The following DYNC2H1 variants were observed in gnomAD, a reference collection of about 807,000 sequenced individuals.
The protein encoded by DYNC2H1 is cytoplasmic dynein 2 heavy chain 1.
A neutral mutation model predicts 570.0 loss-of-function variants in DYNC2H1; 410 were observed. The observed-to-expected ratio is 0.72, with a 90% confidence interval of 0.66 to 0.78. The LOEUF is 0.78. Among genes scored for constraint, DYNC2H1 ranks in the 30% least tolerant of loss-of-function variants. DYNC2H1 has a pLI of 0.00. For synonymous variants in DYNC2H1, 1,688 were observed against 1,677.6 expected (o/e 1.01, Z -0.15); for missense variants, 4,865 against 5,046.4 (o/e 0.96, Z 1.09).
At chr11:103,425,870 A>C (rs1943652540) in intron 84 of DYNC2H1, among the ~76,000 whole-genome samples, 1 of 151,928 alleles carries the variant, frequency 6.6e-6, no homozygotes, top group African/African-American at 2.4e-5. Flanking sequence ...TATAAATTTC[A>C]TTATATACAT....
chr11:103,249,441 G>A lies in DYNC2H1; in HGVS notation c.10043-3844G>A, dbSNP rs918603486. 1.3e-5 allele frequency among the ~76,000 whole-genome samples: 2 copies of A among 151,856 alleles called. No homozygotes were observed. Among genetic ancestry groups the A allele is most frequent in the African/African-American group, 4.8e-5 (2 of 41,392 alleles). Reference sequence around the variant, plus strand: ...GAATTTTTACAAATTGAATACACCTGTATAAACACCCAGATCAAGACATAA... The same window carrying A: ...GAATTTTTACAAATTGAATACACCTATATAAACACCCAGATCAAGACATAA... On this transcript the variant is annotated intron_variant, in intron 65 of 88. Transcript: ENST00000375735. The surrounding 1 kb of genome is among the most constrained non-coding windows in gnomAD (Gnocchi z 4.6).
rs1300187320 is a variant in DYNC2H1, at chr11:103,275,351, T to G, written c.10696-4997T>G. Among the ~76,000 whole-genome samples, 1 of 152,210 alleles carries G rather than the reference T, an allele frequency of 6.6e-6. No individual in the cohort carries two copies. The highest frequency in any genetic ancestry group is 1.9e-4 in the East Asian group (1 of 5,190). On this transcript the variant is annotated intron_variant, in intron 70 of 88. Transcript: ENST00000375735. The surrounding 1 kb of genome is among the most constrained non-coding windows in gnomAD (Gnocchi z 4.8). ...CTGTTCAACTTACATTGACACATCC[T>G]AATCACCTGAAGTTCATAGTTTACA...
At chr11:103,113,473 G>A in intron 1 of DYNC2H1, 64 bp from the exon 2 acceptor site, 1 of 1,314,566 alleles carries the variant, frequency 7.6e-7, no homozygotes, top group Non-Finnish European at 1.0e-6. Context: ...ATAGAACTTT[G>A]TCTACATTTT....
intron 88 of DYNC2H1, among the ~76,000 whole-genome samples, chr11:103,470,892 T>C (rs985551238): frequency 6.6e-6 from 1 of 152,194 alleles, no homozygotes; most frequent in Non-Finnish European, 1.5e-5. Context: ...GCATGTGTCT[T>C]TATAGCAGCA....
In DYNC2H1 at chr11:103,191,524, C is replaced by G. The variant is rs748382069; in HGVS notation, c.7445C>G (p.Ala2482Gly). The G allele has an allele frequency of 6.2e-7, 1 of 1,603,032 alleles. No individual in the cohort carries two copies. The highest frequency in any genetic ancestry group is 1.1e-5 in the South Asian group (1 of 89,060). ...CTGTATTTTCTTTTTCAGGTGCGAG[C>G]CAAATTTACAGTTGATGATTATAGT... ...SMVQVYEQVR[A>G]KFTVDDYSHY... is the part of the protein sequence containing the mutation. Residue 2482 changes from alanine (A) to glycine (G), a missense_variant, in exon 46 of 89, where the codon GCC becomes GGC. By Grantham distance (60) the Ala-to-Gly change is moderately conservative. This residue lies in a region of DYNC2H1 where 2,401 missense variants were observed against 2,454.6 expected (regional missense o/e 0.98). Coordinates refer to ENST00000375735, the MANE Select transcript of DYNC2H1 (RefSeq NM_001377.3).
chr11:103,479,560 C>A lies in DYNC2H1; in HGVS notation c.*307C>A. On this transcript the variant is annotated 3_prime_UTR_variant, in exon 89 of 89. Transcript: ENST00000375735. The stretch of plus-strand genomic sequence containing the variant: ...TCAGAGATTTTAAGTGGTATATTAA[C>A]CAATAATAAATATTTTGGCTGTCAT... The A allele has an allele frequency of 5.3e-6, 1 of 189,074 alleles. No homozygotes were observed. The highest frequency in any genetic ancestry group is 2.1e-3 in the Middle Eastern group (1 of 472). The allele number at this position is 189,074 out of a possible 1,614,324, so 11.7% of individuals were successfully genotyped here. A position where few individuals can be genotyped will look rare whatever the true frequency, so the allele number is the denominator to read the frequency against.
At chr11:103,216,297 T>A (rs537850747) in intron 55 of DYNC2H1, among the ~76,000 whole-genome samples, 1 of 152,320 alleles carries the variant, frequency 6.6e-6, no homozygotes, top group East Asian at 1.9e-4. Flanking sequence ...GATTATACAT[T>A]TTTTGAGTGG....
At chr11:103,207,239 TTTTA>T (rs1290293639) in intron 52 of DYNC2H1, among the ~76,000 whole-genome samples, 18 of 16,376 alleles carry the variant, frequency 1.1e-3, no homozygotes, top group African/African-American at 8.2e-3. Flanking sequence ...TTTTTTTTTT[TTTTA>T]AAAAAAGATG....
intron 70 of DYNC2H1, among the ~76,000 whole-genome samples, chr11:103,263,022 C>CAAAAAAAAAAAAAAAA (rs35912109): frequency 1.3e-3 from 50 of 39,918 alleles, no homozygotes; most frequent in Admixed American, 2.2e-3. Context: ...AAATGGAAAG[C>CAAAAAAAAAAAAAAAA]AAAAAAAAAA....
At chr11:103,246,367 T>A (rs1475173425) in intron 65 of DYNC2H1, among the ~76,000 whole-genome samples, 2 of 152,054 alleles carry the variant, frequency 1.3e-5, no homozygotes, top group Non-Finnish European at 2.9e-5. Context: ...TTCTTCATTC[T>A]ATACTGTGGT....
intron 82 of DYNC2H1, among the ~76,000 whole-genome samples, chr11:103,341,238 C>A (rs1474416580): frequency 6.6e-6 from 1 of 152,154 alleles, no homozygotes; most frequent in South Asian, 2.1e-4. Flanking sequence ...TCAAATAATT[C>A]TCTTGCTTTC....
chr11:103,377,287 G>A (rs12365166), intron 83 of DYNC2H1, among the ~76,000 whole-genome samples: 1 of 152,112 alleles, frequency 6.6e-6, no homozygotes, highest in African/African-American at 2.4e-5. Flanking sequence ...AGACCCATAG[G>A]CTTTCTTCAT....
chr11:103,466,650 A>G (rs1260637068), intron 87 of DYNC2H1, among the ~76,000 whole-genome samples: 1 of 152,230 alleles, frequency 6.6e-6, no homozygotes, highest in Non-Finnish European at 1.5e-5. Flanking sequence ...GCTAATAAAC[A>G]TAAGGAAAAG....
chr11:103,276,652 T>A (rs1865917951), intron 70 of DYNC2H1, among the ~76,000 whole-genome samples: 1 of 152,144 alleles, frequency 6.6e-6, no homozygotes, highest in Non-Finnish European at 1.5e-5. Context: ...TTTTTGCAGA[T>A]GTTTATCCAT....
At position 103,215,870 on chromosome 11, in the gene DYNC2H1, A is replaced by G; in HGVS notation, c.8832+12A>G. On this transcript the variant is annotated intron_variant, in intron 55 of 88. Coordinates refer to ENST00000375735, the MANE Select transcript of DYNC2H1 (RefSeq NM_001377.3). Reference sequence around the variant, plus strand: ...CAGTGTCAATGCAGGTAATGTTTAGAGTGACCACAAAAATGAAAACAATAT... The same window carrying G: ...CAGTGTCAATGCAGGTAATGTTTAGGGTGACCACAAAAATGAAAACAATAT... 6.2e-7 allele frequency: 1 copy of G among 1,606,228 alleles called. No homozygotes were observed. The highest frequency in any genetic ancestry group is 1.1e-5 in the South Asian group (1 of 89,216).
chr11:103,420,052 C>A (rs1943427441), intron 84 of DYNC2H1, among the ~76,000 whole-genome samples: 1 of 151,850 alleles, frequency 6.6e-6, no homozygotes, highest in Admixed American at 6.6e-5. Flanking sequence ...TGAAGACTGT[C>A]TTTCTGAAAC....
chr11:103,300,425 G>C (rs1007452499), intron 75 of DYNC2H1, among the ~76,000 whole-genome samples: 1 of 151,852 alleles, frequency 6.6e-6, no homozygotes, highest in African/African-American at 2.4e-5. Context: ...AAATAGTTTT[G>C]AATGATTCAT....
chr11:103,188,688 A>T (rs1862175938), intron 44 of DYNC2H1, 40 bp downstream of exon 44: 1 of 1,368,004 alleles, frequency 7.3e-7, no homozygotes, highest in Non-Finnish European at 9.6e-7. Context: ...ATTTGGGAAG[A>T]TATCATATAT....
At chr11:103,274,083 T>A (rs938564632) in intron 70 of DYNC2H1, among the ~76,000 whole-genome samples, 2 of 151,968 alleles carry the variant, frequency 1.3e-5, no homozygotes, top group Non-Finnish European at 2.9e-5. Context: ...AGTGAAGAAA[T>A]GGCTAAAATA....
Sources: allele counts gnomAD v4.1 joint callset (sites outside exome capture counted in the v4.1 genomes callset), GRCh38; gene constraint gnomAD v4.1.1; regional missense constraint gnomAD v4.1.1; non-coding constraint Gnocchi (gnomAD v3.1); transcripts MANE v1.5; gene names NCBI Gene and HGNC (gene_info 2026-07-23, HGNC 2026-07-21).